The following ACAA2 variants were observed in gnomAD, a reference collection of about 807,000 sequenced individuals.
The protein encoded by ACAA2 is 3-ketoacyl-CoA thiolase, mitochondrial.
Under a neutral mutation model 44.8 loss-of-function variants are expected in ACAA2, and 35 were observed. The ratio of observed to expected loss-of-function variants is 0.78; its 90% CI spans 0.60 to 1.04. ACAA2 has a LOEUF of 1.04. ACAA2 is among the 50% of genes least tolerant of loss of function. ACAA2 has a pLI of 0.00. For missense variants in ACAA2, 468 were observed against 482.6 expected, an observed-to-expected ratio of 0.97 and a Z score of 0.28; for synonymous variants, 142 against 166.5, an observed-to-expected ratio of 0.85 and a Z score of 1.13.
intron 7 of ACAA2, among the ~76,000 whole-genome samples, chr18:49,788,503 GTGGCTACTGATTTACTA>G (rs1377808100): frequency 3.9e-5 from 6 of 152,054 alleles, no homozygotes; most frequent in Admixed American, 3.9e-4. Context: ...CCAGTTTCAT[GTGGCTACTGATTTACTA>G]CAGCTACTGA....
chr18:49,785,362 A>C lies in ACAA2; in HGVS notation c.955-11T>G. The C allele has an allele frequency of 1.9e-6, 3 of 1,612,424 alleles. No homozygotes were observed. Among genetic ancestry groups the C allele is most frequent in the Non-Finnish European group, 2.5e-6 (3 of 1,179,306 alleles). On this transcript the variant is annotated splice_polypyrimidine_tract_variant and intron_variant, in intron 8 of 9. Coordinates refer to ENST00000285093, the MANE Select transcript of ACAA2 (RefSeq NM_006111.3). The stretch of plus-strand genomic sequence containing the variant: ...AAAAGCTTCATTCACCTTAAAACAA[A>C]AATTAGAGCACTAACAAAAATCCTT...
intron 1 of ACAA2, among the ~76,000 whole-genome samples, chr18:49,807,846 A>C (rs2143980281): frequency 6.6e-6 from 1 of 152,260 alleles, no homozygotes; most frequent in South Asian, 2.1e-4. Context: ...ATGAATAAAT[A>C]ACCTCTGCTC....
At position 49,785,306 on chromosome 18, in the gene ACAA2, A is replaced by C. The variant is rs2023315262; in HGVS notation, c.1000T>G (p.Leu334Val). 6.2e-7 allele frequency: 1 copy of C among 1,614,124 alleles called. No individual in the cohort carries two copies. Among genetic ancestry groups the C allele is most frequent in the Non-Finnish European group, 8.5e-7 (1 of 1,180,012 alleles). Residue 334 changes from leucine to valine, a missense_variant, in exon 9 of 10, where the codon TTG (leucine) becomes GTG (valine). Physicochemically the swap from Leu to Val is conservative, Grantham distance 32 (BLOSUM62 1). Coordinates refer to ENST00000285093, the MANE Select transcript of ACAA2 (RefSeq NM_006111.3). ...APQYLAVERSLDLDISKTNVN... is the reference protein window; with the variant it reads ...APQYLAVERSVDLDISKTNVN... ...TTGGTTTTACTTATGTCAAGATCCA[A>C]ACTCCTCTCAACAGCCAAGTACTGG...
At chr18:49,794,205 C>A (rs1289464314) in intron 5 of ACAA2, 75 bp downstream of exon 5, 20 of 1,077,310 alleles carry the variant, frequency 1.9e-5, no homozygotes, top group Non-Finnish European at 2.2e-5. Flanking sequence ...TATTATATAA[C>A]CATAATAGAA....
intron 7 of ACAA2, 48 bp downstream of exon 7, chr18:49,791,400 GACTCTGAATGCCAAAGAAGACT>G: frequency 6.6e-7 from 1 of 1,507,568 alleles, no homozygotes; most frequent in Non-Finnish European, 9.0e-7. Flanking sequence ...ACTTTTTCAG[GACTCTGAATGCCAAAGAAGACT>G]TACCTCCAGA....
chr18:49,802,677 C>A lies in ACAA2; in HGVS notation c.183+10G>T, dbSNP rs745341531. ...CAATAGGAGTGAACACCTTCCTTTA[C>A]TCTACTAACCTGCAGGACATTGCCC... On this transcript the variant is annotated intron_variant, in intron 2 of 9. Coordinates refer to ENST00000285093, the MANE Select transcript of ACAA2 (RefSeq NM_006111.3). 2 of 1,607,408 alleles carry A rather than the reference C, an allele frequency of 1.2e-6. No individual in the cohort carries two copies. Among genetic ancestry groups the A allele is most frequent in the Non-Finnish European group, 1.7e-6 (2 of 1,177,186 alleles).
intron 5 of ACAA2, among the ~76,000 whole-genome samples, chr18:49,793,518 A>G (rs2023430399): frequency 6.6e-6 from 1 of 152,226 alleles, no homozygotes; most frequent in South Asian, 2.1e-4. Flanking sequence ...TCCACTATGA[A>G]CATATAAGTA....
intron 6 of ACAA2, among the ~76,000 whole-genome samples, chr18:49,791,913 GATTTGTTTCTGAA>G (rs1445207899): frequency 6.6e-6 from 1 of 152,092 alleles, no homozygotes; most frequent in Non-Finnish European, 1.5e-5. Context: ...AAGCCAGATA[GATTTGTTTCTGAA>G]ATTTCTTAGT....
At position 49,789,321 on chromosome 18, in the gene ACAA2, C is replaced by G. The variant is rs540379243; in HGVS notation, c.884-1960G>C. ...CTAGATACTTAATAACTTATTCTCCCCACTTATTCATCTGGGATGCTTCAA... is the reference window on the plus strand; with the variant it reads ...CTAGATACTTAATAACTTATTCTCCGCACTTATTCATCTGGGATGCTTCAA... On this transcript the variant is annotated intron_variant, in intron 7 of 9. Transcript: ENST00000285093. Among the ~76,000 whole-genome samples, 4 of 152,228 alleles carry G rather than the reference C, an allele frequency of 2.6e-5. No homozygotes were observed. In the South Asian group the frequency reaches 8.3e-4, roughly 32 times the overall value.
At chr18:49,807,466 G>A (rs2023621338) in intron 1 of ACAA2, among the ~76,000 whole-genome samples, 1 of 152,192 alleles carries the variant, frequency 6.6e-6, no homozygotes, top group South Asian at 2.1e-4. Flanking sequence ...TTTGGGTTTG[G>A]TGATAATTTT....
At chr18:49,785,469 C>A in intron 8 of ACAA2, 118 bp from the exon 9 acceptor site, 1 of 951,342 alleles carries the variant, frequency 1.1e-6, no homozygotes, top group Non-Finnish European at 1.6e-6. Context: ...TAAATTACCT[C>A]GCAAAGTTAT....
intron 1 of ACAA2, among the ~76,000 whole-genome samples, chr18:49,803,936 GT>G (rs1333202224): frequency 1.4e-5 from 2 of 143,242 alleles, no homozygotes; most frequent in Non-Finnish European, 3.0e-5. Flanking sequence ...TGGAGACAGA[GT>G]TTTGCTCTTG....
At chr18:49,797,902 G>T (rs562232384) in intron 2 of ACAA2, among the ~76,000 whole-genome samples, 70 of 152,152 alleles carry the variant, frequency 4.6e-4, no homozygotes, top group Non-Finnish European at 9.0e-4. Context: ...TCATAATGTT[G>T]TGTAACCACA....
intron 1 of ACAA2, among the ~76,000 whole-genome samples, chr18:49,803,490 G>A (rs923820444): frequency 7.2e-5 from 11 of 152,020 alleles, no homozygotes; most frequent in Admixed American, 1.3e-4. Context: ...GAGGGAGCTC[G>A]GCTCTTAAGA....
chr18:49,795,657 C>T (rs1310840062), intron 4 of ACAA2, 108 bp downstream of exon 4: 21 of 596,916 alleles, frequency 3.5e-5, no homozygotes, highest in East Asian at 1.8e-4. Context: ...TCCTCATCAA[C>T]GAAATTGGCT....
chr18:49,802,800 G>A lies in ACAA2; in HGVS notation c.70C>T (p.Leu24=). The part of the protein sequence containing the change: ...RTPFGAYGGL[L]KDFTATDLSE... ...AAGTCAGTAGCAGTGAAGTCTTTCA[G>A]AAGGCCTCCGTAAGCTCCAAAGGGC... is the stretch of plus-strand genomic sequence containing the variant. The change falls in exon 2 of 10, where the codon CTG becomes TTG. Residue 24 remains leucine (L), a synonymous_variant. Coordinates refer to ENST00000285093, the MANE Select transcript of ACAA2 (RefSeq NM_006111.3). 1 of 1,614,144 alleles carries A rather than the reference G, an allele frequency of 6.2e-7. No individual in the cohort carries two copies. Among genetic ancestry groups the A allele is most frequent in the Non-Finnish European group, 8.5e-7 (1 of 1,180,028 alleles).
intron 2 of ACAA2, among the ~76,000 whole-genome samples, chr18:49,798,763 A>G (rs1568588248): frequency 6.6e-6 from 1 of 152,208 alleles, no homozygotes; most frequent in East Asian, 1.9e-4. Context: ...CTGTTGACTG[A>G]GATGAAATTA....
In ACAA2 at chr18:49,785,507, T is replaced by C. The variant is rs140789525; in HGVS notation, c.955-156A>G. ...TATCTACAATCATTCTGCATAAAGC[T>C]ATCAGGTTTAAAATGTGTATATTTA... is the stretch of plus-strand genomic sequence containing the variant. On this transcript the variant is annotated intron_variant, in intron 8 of 9. Coordinates refer to ENST00000285093, the MANE Select transcript of ACAA2 (RefSeq NM_006111.3). 1.4e-4 allele frequency: 102 copies of C among 717,296 alleles called. No individual in the cohort carries two copies. The African/African-American group carries it at 1.5e-3, about 10-fold the overall frequency. The allele number at this position is 717,296 out of a possible 1,614,324, so 44.4% of individuals were successfully genotyped here. A position where few individuals can be genotyped will look rare whatever the true frequency, so the allele number is the denominator to read the frequency against.
At chr18:49,796,926 C>T (rs755747498) in intron 3 of ACAA2, among the ~76,000 whole-genome samples, 1 of 151,614 alleles carries the variant, frequency 6.6e-6, no homozygotes, top group Non-Finnish European at 1.5e-5. Flanking sequence ...AGGAAGCACT[C>T]GAAAGAATGA....
Sources: allele counts gnomAD v4.1 joint callset (sites outside exome capture counted in the v4.1 genomes callset), GRCh38; gene constraint gnomAD v4.1.1; transcripts MANE v1.5; gene names NCBI Gene and HGNC (gene_info 2026-07-23, HGNC 2026-07-21).